The following EEA1 variants were observed in gnomAD, a reference collection of about 807,000 sequenced individuals.
The protein encoded by EEA1 is early endosome antigen 1.
Under a neutral mutation model 209.2 loss-of-function variants are expected in EEA1, and 111 were observed. The observed-to-expected ratio is 0.53, with a 90% CI of 0.45 to 0.62. EEA1 has a LOEUF of 0.62. Ranked by LOEUF, EEA1 falls within the 20% of genes least tolerant of loss-of-function variation. The pLI is 0.00. For synonymous variants in EEA1, 536 were observed against 540.6 expected (o/e 0.99, Z 0.12); for missense variants, 1,343 against 1,530.8 (o/e 0.88, Z 2.05).
At position 92,924,201 on chromosome 12, in the gene EEA1, C is replaced by CTT. The variant is rs754907902; in HGVS notation, c.24+4840_24+4841dup. Among the ~76,000 whole-genome samples the CTT allele has an allele frequency of 4.5e-3, 427 of 94,274 alleles. 2 individuals are homozygous for CTT. Among genetic ancestry groups the CTT allele is most frequent in the African/African-American group, 0.014 (322 of 23,208 alleles). 61.8% of individuals were successfully genotyped at this position (94,274 alleles called of 152,430 possible). A position where few individuals can be genotyped will look rare whatever the true frequency, so the allele number is the denominator to read the frequency against. ...CATTAGCAGCAGCTAACATTTAAGA[C>CTT]TTTTTTTTTTTTTTTTTTTTTTTGG... On this transcript the variant is annotated intron_variant, in intron 1 of 28. Transcript: ENST00000322349.
chr12:92,894,079 T>C (rs929520959), intron 1 of EEA1, among the ~76,000 whole-genome samples: 1 of 152,232 alleles, frequency 6.6e-6, no homozygotes, highest in Non-Finnish European at 1.5e-5. Flanking sequence ...TTCAAGCTTT[T>C]TTATTATTAT....
At chr12:92,852,142 A>C in intron 8 of EEA1, 33 bp downstream of exon 8, 1 of 1,515,806 alleles carries the variant, frequency 6.6e-7, no homozygotes, top group Non-Finnish European at 8.9e-7. Flanking sequence ...GAAAGGTATA[A>C]GAGTACATCT....
rs556834732 is a variant in EEA1 at position 92,901,590 on chromosome 12, G to A, written c.25-9869C>T. Among the ~76,000 whole-genome samples, 6 of 149,042 alleles carry A rather than the reference G, an allele frequency of 4.0e-5. No homozygotes were observed. The East Asian group carries it at 5.9e-4, about 15-fold the overall frequency. The stretch of plus-strand genomic sequence containing the variant: ...CTTCTTGTTTTTTTTTTTTTGAGAC[G>A]GAGTTTCACTCTTGTTGCCCAAGCG... On this transcript the variant is annotated intron_variant, in intron 1 of 28. Transcript: ENST00000322349.
chr12:92,875,897 C>T (rs1270333852), intron 2 of EEA1, among the ~76,000 whole-genome samples: 1 of 151,982 alleles, frequency 6.6e-6, no homozygotes, highest in Non-Finnish European at 1.5e-5. Flanking sequence ...AAATACTTGC[C>T]CCAGAAATCC....
At chr12:92,848,791 G>C (rs999589044) in intron 9 of EEA1, among the ~76,000 whole-genome samples, 3 of 130,340 alleles carry the variant, frequency 2.3e-5, no homozygotes, top group African/African-American at 8.6e-5. Context: ...AGAGTGCAGT[G>C]GTGTGATCAT....
intron 2 of EEA1, chr12:92,884,149 G>C: frequency 8.0e-7 from 1 of 1,245,488 alleles, no homozygotes; most frequent in South Asian, 1.2e-5. Flanking sequence ...ATTTTGAACA[G>C]TATGGAAAAA....
At position 92,845,077 on chromosome 12, in the gene EEA1, TATA is replaced by T. The variant is rs567523428; in HGVS notation, c.799-2499_799-2497del. ...ATAGCTTTTAGATATGCTCTTACTG[TATA>T]AGGTTAACAACTAAAAAACTGGACA... is the stretch of plus-strand genomic sequence containing the variant. On this transcript the variant is annotated intron_variant, in intron 9 of 28. Coordinates refer to ENST00000322349, the MANE Select transcript of EEA1 (RefSeq NM_003566.4). Among the ~76,000 whole-genome samples the T allele has an allele frequency of 2.6e-3, 392 of 152,252 alleles. 3 individuals carry two copies. Among genetic ancestry groups the T allele is most frequent in the African/African-American group, 8.7e-3 (363 of 41,566 alleles).
At chr12:92,912,412 G>A (rs754264701) in intron 1 of EEA1, among the ~76,000 whole-genome samples, 7 of 152,136 alleles carry the variant, frequency 4.6e-5, no homozygotes, top group Non-Finnish European at 1.0e-4. Flanking sequence ...CTTGAAAGGC[G>A]TCTGTCTGCA....
chr12:92,828,721 T>TA (rs1289639840), intron 11 of EEA1, among the ~76,000 whole-genome samples: 1 of 152,008 alleles, frequency 6.6e-6, no homozygotes, highest in Non-Finnish European at 1.5e-5. Context: ...CACCCTGTTA[T>TA]ACATACCCTA....
At chr12:92,850,964 A>AT in intron 9 of EEA1, 147 bp downstream of exon 9, 1 of 716,988 alleles carries the variant, frequency 1.4e-6, no homozygotes, top group Non-Finnish European at 2.1e-6. Flanking sequence ...CACATTGACT[A>AT]TAAACAAATA....
At chr12:92,843,646 G>A (rs1222071990) in intron 9 of EEA1, among the ~76,000 whole-genome samples, 1 of 151,946 alleles carries the variant, frequency 6.6e-6, no homozygotes, top group East Asian at 1.9e-4. Flanking sequence ...AAATGACATT[G>A]ACAAAATAAC....
At chr12:92,776,987 T>G (rs775693118) in intron 27 of EEA1, 45 bp from the exon 28 acceptor site, 1 of 1,573,270 alleles carries the variant, frequency 6.4e-7, no homozygotes, top group Non-Finnish European at 8.7e-7. Context: ...TTCAACATTT[T>G]AAAGAATGCT....
At position 92,771,375 on chromosome 12, in the gene EEA1, T is replaced by C. The variant is rs1202937182; in HGVS notation, c.*4636A>G. 1.3e-5 allele frequency: 2 copies of C among 152,028 alleles called. No individual in the cohort carries two copies. Among genetic ancestry groups the C allele is most frequent in the Non-Finnish European group, 2.9e-5 (2 of 67,944 alleles). 9.4% of individuals were successfully genotyped at this position (152,028 alleles called of 1,614,324 possible). A position where few individuals can be genotyped will look rare whatever the true frequency, so the allele number is the denominator to read the frequency against. On this transcript the variant is annotated 3_prime_UTR_variant, in exon 29 of 29. Transcript: ENST00000322349. ...CCTTGAGGAAGGTGAAATTTCACTA[T>C]GCAAACAAAGCAGTAAAGACAAGTG...
At chr12:92,833,862 AGT>A (rs752364450) in intron 10 of EEA1, among the ~76,000 whole-genome samples, 59 of 152,354 alleles carry the variant, frequency 3.9e-4, no homozygotes, top group Middle Eastern at 6.8e-3. Flanking sequence ...TTAATAGAAA[AGT>A]GTGTCAAATT....
chr12:92,906,080 TTTC>T (rs1179881835), intron 1 of EEA1, among the ~76,000 whole-genome samples: 57 of 141,370 alleles, frequency 4.0e-4, no homozygotes, highest in African/African-American at 1.4e-3. Context: ...CTAATTTTCT[TTTC>T]TTTTCTTTTC....
intron 2 of EEA1, among the ~76,000 whole-genome samples, chr12:92,887,047 G>C (rs1289087440): frequency 1.3e-5 from 2 of 150,372 alleles, no homozygotes; most frequent in African/African-American, 4.9e-5. Context: ...AAAAAAGAAA[G>C]AACTTCTAGG....
rs1877203845 is a variant in EEA1 at position 92,842,355 on chromosome 12, A to G, written c.915+110T>C. 5.0e-6 allele frequency: 3 copies of G among 598,794 alleles called. No individual in the cohort carries two copies. In the African/African-American group the frequency reaches 6.0e-5, roughly 12 times the overall value. The allele number at this position is 598,794 out of a possible 1,614,324, so 37.1% of individuals were successfully genotyped here. A position where few individuals can be genotyped will look rare whatever the true frequency, so the allele number is the denominator to read the frequency against. Reference sequence around the variant, plus strand: ...TGTGAACATATTAAACACTAAAAAAAAAAAATAAGTCACATTGTACTATGC... The same window carrying G: ...TGTGAACATATTAAACACTAAAAAAGAAAAATAAGTCACATTGTACTATGC... On this transcript the variant is annotated intron_variant, in intron 10 of 28. Coordinates refer to ENST00000322349, the MANE Select transcript of EEA1 (RefSeq NM_003566.4).
At chr12:92,901,250 G>C (rs1254630651) in intron 1 of EEA1, among the ~76,000 whole-genome samples, 1 of 151,726 alleles carries the variant, frequency 6.6e-6, no homozygotes, top group Non-Finnish European at 1.5e-5. Context: ...TGAGGTCTCT[G>C]TATGTTGCCT....
intron 2 of EEA1, among the ~76,000 whole-genome samples, chr12:92,869,574 T>G (rs1878540436): frequency 6.8e-6 from 1 of 147,300 alleles, no homozygotes; most frequent in South Asian, 2.1e-4. Context: ...TGAAACCCCA[T>G]CTCTACTTAA....
Sources: gnomAD v4.1 joint callset for allele counts (sites outside exome capture counted in the v4.1 genomes callset) on GRCh38, gnomAD v4.1.1 for gene constraint, MANE v1.5 for transcripts, NCBI Gene and HGNC (gene_info 2026-07-23, HGNC 2026-07-21) for gene names.